The following ANK3 variants were observed in gnomAD, a reference collection of about 807,000 sequenced individuals.
ANK3 encodes ankyrin-3.
ANK3 carries 57 observed loss-of-function variants against 370.9 expected under a neutral mutation model. The ratio of observed to expected loss-of-function variants is 0.15; its 90% confidence interval spans 0.12 to 0.19. The LOEUF is 0.19. Ranked by LOEUF, ANK3 falls within the 10% of genes least tolerant of loss-of-function variation. ANK3 has a pLI of 1.00. For missense variants in ANK3, 4,439 were observed against 5,302.1 expected (o/e 0.84, Z 5.06); for synonymous variants, 1,929 against 1,946.3 (o/e 0.99, Z 0.23).
intron 2 of ANK3, among the ~76,000 whole-genome samples, chr10:60,398,512 G>A (rs2063289620): frequency 6.6e-6 from 1 of 152,096 alleles, no homozygotes; most frequent in South Asian, 2.1e-4. Flanking sequence ...ATGTGTGGAT[G>A]TGTGTATTCA....
Position 60,073,193 on chromosome 10 carries a change from C to G in ANK3, c.7688G>C (p.Arg2563Thr). ...CAACTTCTCTCTACCTCTGTCTAATCTGTCCTCAGTAAAGCGCATCCACAT... is the reference window on the plus strand; with the variant it reads ...CAACTTCTCTCTACCTCTGTCTAATGTGTCCTCAGTAAAGCGCATCCACAT... ...HAMWMRFTED[R>T]LDRGREKLIY... The change falls in exon 37 of 44, where the codon AGA (arginine) becomes ACA (threonine). Residue 2563 changes from arginine to threonine, a missense_variant. Arg to Thr is a moderately conservative substitution (Grantham distance 71, BLOSUM62 -1). Around this residue, in one of 13 missense-constraint regions of ANK3, gnomAD observed 1,601 missense variants for 1,731.7 expected, o/e 0.92. Transcript: ENST00000280772. The G allele has an allele frequency of 6.2e-7, 1 of 1,614,188 alleles. No individual in the cohort carries two copies. The highest frequency in any genetic ancestry group is 8.5e-7 in the Non-Finnish European group (1 of 1,180,024).
At chr10:60,153,482 A>G (rs2095227141) in intron 23 of ANK3, among the ~76,000 whole-genome samples, 1 of 152,206 alleles carries the variant, frequency 6.6e-6, no homozygotes, top group Non-Finnish European at 1.5e-5. Flanking sequence ...GACAGATTGC[A>G]TAAAACTCAG....
intron 18 of ANK3, among the ~76,000 whole-genome samples, chr10:60,174,130 T>A (rs547642302): frequency 6.6e-6 from 1 of 152,042 alleles, no homozygotes; most frequent in East Asian, 1.9e-4. Flanking sequence ...GGCACTAGAG[T>A]CTTTATGGTG....
At chr10:60,043,498 G>C (rs1281685358) in intron 42 of ANK3, 2 of 985,272 alleles carry the variant, frequency 2.0e-6, no homozygotes, top group Non-Finnish European at 2.4e-6. Flanking sequence ...GAGAGAAAGG[G>C]GTTGACTGGA....
At position 60,714,302 on chromosome 10, in the gene ANK3, C is replaced by T. The variant is rs113125043; in HGVS notation, c.57+18961G>A. ...CATTCCCAGATGGGTTCACTGGTGA[C>T]TTCGACCAAAAATTTGAGAAGAAAA... On this transcript the variant is annotated intron_variant, in intron 1 of 43. Transcript: ENST00000373827. Among the ~76,000 whole-genome samples, 377 of 152,286 alleles carry T rather than the reference C, an allele frequency of 2.5e-3. 1 individual carries two copies. The highest frequency in any genetic ancestry group is 8.8e-3 in the African/African-American group (365 of 41,564).
At chr10:60,151,714 A>T (rs1200342165) in intron 23 of ANK3, among the ~76,000 whole-genome samples, 1 of 152,258 alleles carries the variant, frequency 6.6e-6, no homozygotes, top group African/African-American at 2.4e-5. Context: ...CCTTCATATG[A>T]ATGCAAAACA....
chr10:60,395,411 TC>T (rs1336869653), intron 2 of ANK3, among the ~76,000 whole-genome samples: 1 of 152,172 alleles, frequency 6.6e-6, no homozygotes, highest in East Asian at 1.9e-4. Flanking sequence ...TACACTCCAT[TC>T]CTACTCGACA....
intron 1 of ANK3, among the ~76,000 whole-genome samples, chr10:60,677,699 A>C (rs1429601361): frequency 1.3e-5 from 2 of 151,702 alleles, no homozygotes; most frequent in Admixed American, 1.3e-4. Context: ...ATTAAGTTTG[A>C]TCTCCAGAGA....
chr10:60,277,955 C>T (rs1356058769), intron 4 of ANK3, among the ~76,000 whole-genome samples: 3 of 152,206 alleles, frequency 2.0e-5, no homozygotes, highest in East Asian at 3.9e-4. Flanking sequence ...TCCTACATGA[C>T]CTGTCTGTGG....
chr10:60,308,933 T>C (rs1195590089), intron 1 of ANK3, among the ~76,000 whole-genome samples: 1 of 152,150 alleles, frequency 6.6e-6, no homozygotes, highest in Non-Finnish European at 1.5e-5. Flanking sequence ...ACTGAGTTCA[T>C]AGCTTCCTAC....
chr10:60,415,853 C>A (rs1053517871), intron 2 of ANK3, among the ~76,000 whole-genome samples: 3 of 145,896 alleles, frequency 2.1e-5, no homozygotes, highest in African/African-American at 7.6e-5. Flanking sequence ...AGTACACTTA[C>A]ATATGGCATT....
intron 2 of ANK3, among the ~76,000 whole-genome samples, chr10:60,467,576 T>C (rs776745594): frequency 3.3e-5 from 5 of 152,220 alleles, no homozygotes; most frequent in Non-Finnish European, 5.9e-5. Context: ...AGGCTGGCAC[T>C]ATTAATCTTT....
At chr10:60,194,418 T>C (rs1033499680) in intron 16 of ANK3, among the ~76,000 whole-genome samples, 6 of 152,128 alleles carry the variant, frequency 3.9e-5, no homozygotes, top group Non-Finnish European at 8.8e-5. Flanking sequence ...CCCATTCCCT[T>C]CTCCCTCTAC....
chr10:60,071,754 T>A lies in ANK3; in HGVS notation c.9127A>T (p.Thr3043Ser). 1.3e-6 allele frequency: 2 copies of A among 1,597,802 alleles called. No individual in the cohort carries two copies. Among genetic ancestry groups the A allele is most frequent in the Non-Finnish European group, 1.7e-6 (2 of 1,173,812 alleles). ...GLCPPLEETE[T>S]SPTKSPDSLE... is the part of the protein sequence containing the mutation. ...GAATCAGGAGATTTGGTGGGGGAGG[T>A]TTCGGTTTCCTCGAGAGGTGGGCAT... Residue 3043 changes from threonine to serine, a missense_variant, in exon 37 of 44, where the codon ACC becomes TCC. By Grantham distance (58) the Thr-to-Ser change is moderately conservative. Transcript: ENST00000280772.
chr10:60,265,529 T>C (rs2097863063), intron 5 of ANK3, among the ~76,000 whole-genome samples: 1 of 152,274 alleles, frequency 6.6e-6, no homozygotes, highest in Admixed American at 6.5e-5. Flanking sequence ...GGCTCACAAA[T>C]TGTAATTCTG....
intron 1 of ANK3, among the ~76,000 whole-genome samples, chr10:60,708,123 G>T (rs2079646619): frequency 6.6e-6 from 1 of 152,050 alleles, no homozygotes; most frequent in African/African-American, 2.4e-5. Context: ...CTTCCCACTT[G>T]ACTGTCTCAT....
chr10:60,030,433 C>T (rs186843358), intron 43 of ANK3, among the ~76,000 whole-genome samples: 8 of 152,174 alleles, frequency 5.3e-5, no homozygotes, highest in South Asian at 2.1e-4. Context: ...TGAGCCACCA[C>T]GCCCGGCCCT....
chr10:60,527,268 C>T (rs1054223694), intron 2 of ANK3, among the ~76,000 whole-genome samples: 2 of 152,132 alleles, frequency 1.3e-5, no homozygotes, highest in African/African-American at 2.4e-5. Flanking sequence ...GTAAGCCTAA[C>T]ATTCATCAGT....
At chr10:60,030,654 C>T (rs765175574) in intron 43 of ANK3, among the ~76,000 whole-genome samples, 20 of 152,140 alleles carry the variant, frequency 1.3e-4, no homozygotes, top group South Asian at 2.1e-4. Context: ...TTGCAGGATC[C>T]AGTCAGATCA....
Sources: allele counts gnomAD v4.1 joint callset (sites outside exome capture counted in the v4.1 genomes callset), GRCh38; gene constraint gnomAD v4.1.1; regional missense constraint gnomAD v4.1.1; transcripts MANE v1.5; gene names NCBI Gene and HGNC (gene_info 2026-07-23, HGNC 2026-07-21).